Variants in RTL4 observed in about 807,000 individuals in gnomAD.
The protein encoded by RTL4 is retrotransposon Gag-like protein 4.
RTL4 carries 4 observed loss-of-function variants against 5.3 expected under a neutral mutation model. The observed-to-expected ratio is 0.75, with a 90% CI of 0.37 to 1.72. The LOEUF (loss-of-function observed/expected upper bound fraction) is 1.72. Ranked by LOEUF, RTL4 falls within the 40% of genes most tolerant of loss-of-function variation. RTL4 has a pLI of 0.04. For synonymous variants in RTL4, 98 were observed against 87.3 expected, an observed-to-expected ratio of 1.12 and a Z score of -0.68; for missense variants, 260 against 227.1, an observed-to-expected ratio of 1.14 and a Z score of -0.93.
At chrX:112,137,228 T>C in the RTL4 span, among the ~76,000 whole-genome samples, 2 of 111,906 alleles carry the variant, frequency 1.8e-5, no homozygotes, top group South Asian at 7.3e-4. Flanking sequence ...GACATACAAA[T>C]AGCCAACAGG....
At chrX:112,090,661 T>G in the RTL4 span, among the ~76,000 whole-genome samples, 18,019 of 110,406 alleles carry the variant, frequency 0.16, 2,319 homozygotes, top group African/African-American at 0.43. Flanking sequence ...AGTATTTTTT[T>G]GGGGATTTTT....
the RTL4 span, among the ~76,000 whole-genome samples, chrX:112,182,166 A>G: frequency 9.0e-6 from 1 of 111,581 alleles, no homozygotes; most frequent in Non-Finnish European, 1.9e-5. Context: ...CCACACAGAA[A>G]CCCCATCCAA....
chrX:112,311,340 C>G, the RTL4 span, among the ~76,000 whole-genome samples: 1 of 110,722 alleles, frequency 9.0e-6, no homozygotes, highest in African/African-American at 3.3e-5. Flanking sequence ...CCATCTGATT[C>G]CCTCTGCATT....
chrX:112,295,632 T>G, the RTL4 span, among the ~76,000 whole-genome samples: 15 of 112,486 alleles, frequency 1.3e-4, no homozygotes, highest in South Asian at 5.5e-3. Context: ...GCCTCAGAGA[T>G]AAATTCAGTG....
At chrX:112,119,493 C>T in the RTL4 span, among the ~76,000 whole-genome samples, 4 of 110,889 alleles carry the variant, frequency 3.6e-5, no homozygotes, top group Non-Finnish European at 5.7e-5. Flanking sequence ...AGAATGTGTA[C>T]GACTTGGACA....
the RTL4 span, among the ~76,000 whole-genome samples, chrX:112,441,102 T>C: frequency 1.7e-3 from 188 of 111,708 alleles, 2 homozygotes; most frequent in African/African-American, 5.4e-3. Flanking sequence ...CCAGAATTTA[T>C]CTGGTGCATG....
chrX:112,302,466 C>G, the RTL4 span, among the ~76,000 whole-genome samples: 1 of 111,508 alleles, frequency 9.0e-6, no homozygotes, highest in Non-Finnish European at 1.9e-5. Flanking sequence ...TATTTTGTTA[C>G]ATGAATATAT....
At chrX:112,124,627 G>A in the RTL4 span, among the ~76,000 whole-genome samples, 1 of 105,104 alleles carries the variant, frequency 9.5e-6, no homozygotes, top group Non-Finnish European at 1.9e-5. Flanking sequence ...TGAACAATGA[G>A]AACACATGGA....
chrX:112,374,230 A>G, the RTL4 span, among the ~76,000 whole-genome samples: 4 of 111,123 alleles, frequency 3.6e-5, no homozygotes, highest in South Asian at 1.5e-3. Context: ...TTTTATATTC[A>G]ATATAGATAA....
chrX:112,195,986 C>T, the RTL4 span, among the ~76,000 whole-genome samples: 85 of 111,317 alleles, frequency 7.6e-4, 1 homozygote, highest in Admixed American at 2.9e-4. Context: ...AGAGATCTAA[C>T]GCACTCTTTA....
At chrX:112,454,658 T>C in exon 1 of RTL4, 1 of 989,964 alleles carries the variant, frequency 1.0e-6, no homozygotes, top group South Asian at 2.5e-5. Context: ...ACAGAGCAAA[T>C]CCACTGTCTC....
chrX:112,229,337 G>A, the RTL4 span, among the ~76,000 whole-genome samples: 1 of 112,037 alleles, frequency 8.9e-6, no homozygotes, highest in Non-Finnish European at 1.9e-5. Flanking sequence ...CCTCCCAACA[G>A]CCCTATTCAA....
At chrX:112,136,605 A>G in the RTL4 span, among the ~76,000 whole-genome samples, 17 of 112,076 alleles carry the variant, frequency 1.5e-4, no homozygotes, top group African/African-American at 5.5e-4. Flanking sequence ...TAAAATGTCC[A>G]CACTACCCAA....
the RTL4 span, among the ~76,000 whole-genome samples, chrX:112,239,107 A>T: frequency 5.4e-5 from 6 of 110,635 alleles, no homozygotes; most frequent in African/African-American, 2.0e-4. Flanking sequence ...CTGATCTTCT[A>T]CTCTTCCATT....
At chrX:112,264,649 A>G in the RTL4 span, among the ~76,000 whole-genome samples, 1 of 111,834 alleles carries the variant, frequency 8.9e-6, no homozygotes, top group Non-Finnish European at 1.9e-5. Flanking sequence ...GTTTAGTAGG[A>G]GCTCTAATTT....
At chrX:112,386,336 G>A in the RTL4 span, among the ~76,000 whole-genome samples, 2 of 111,433 alleles carry the variant, frequency 1.8e-5, no homozygotes, top group African/African-American at 6.5e-5. Context: ...GCAAACACTA[G>A]GTCTTATTTA....
chrX:112,267,797 T>G, the RTL4 span, among the ~76,000 whole-genome samples: 1 of 110,519 alleles, frequency 9.0e-6, no homozygotes, highest in African/African-American at 3.3e-5. Flanking sequence ...CCCACCCTGT[T>G]TATCTCTCTC....
At chrX:112,358,681 TC>T in the RTL4 span, among the ~76,000 whole-genome samples, 1 of 111,576 alleles carries the variant, frequency 9.0e-6, no homozygotes, top group Non-Finnish European at 1.9e-5. Flanking sequence ...AGCACTAACC[TC>T]TGCCACATCA....
At chrX:112,203,747 T>C in the RTL4 span, among the ~76,000 whole-genome samples, 1 of 112,207 alleles carries the variant, frequency 8.9e-6, no homozygotes, top group South Asian at 3.7e-4. Flanking sequence ...CTAGGGCCTA[T>C]GACTTCCCAT....
Sources: gnomAD v4.1 joint callset for allele counts (sites outside exome capture counted in the v4.1 genomes callset) on GRCh38, gnomAD v4.1.1 for gene constraint, MANE v1.5 for transcripts, NCBI Gene and HGNC (gene_info 2026-07-23, HGNC 2026-07-21) for gene names.